SYNE2: variants seen among roughly 807,000 people sequenced by gnomAD.
SYNE2 encodes spectrin repeat containing nuclear envelope protein 2.
A neutral mutation model predicts 856.3 loss-of-function variants in SYNE2; 431 were observed. The ratio of observed to expected loss-of-function variants is 0.50; its 90% CI spans 0.47 to 0.55. The LOEUF is 0.55. SYNE2 is among the 20% of genes least tolerant of loss of function. SYNE2 has a pLI of 0.00. For synonymous variants in SYNE2, 2,923 were observed against 2,872.3 expected (o/e 1.02, Z -0.56); for missense variants, 8,129 against 8,023.2 (o/e 1.01, Z -0.50).
At chr14:63,860,627 C>G (rs1008341900) in intron 1 of SYNE2, among the ~76,000 whole-genome samples, 8 of 152,216 alleles carry the variant, frequency 5.3e-5, no homozygotes, top group African/African-American at 7.2e-5. Context: ...TGCTCTGGTT[C>G]CAGCTGACTT....
At position 63,840,286 on chromosome 14, in the gene SYNE2, CT is replaced by C. The variant is rs765719528; in HGVS notation, c.-304-12211del. ...ACCCTGTCTCAAAAAAAAAAGTAGG[CT>C]TTTGTCTTTTTCAAGTAACTGCTCC... On this transcript the variant is annotated intron_variant, in intron 1 of 23. Transcript: ENST00000674003. Among the ~76,000 whole-genome samples, 338 of 151,902 alleles carry C rather than the reference CT, an allele frequency of 2.2e-3. 1 individual carries two copies. The highest frequency in any genetic ancestry group is 0.01 in the Middle Eastern group (3 of 292).
At chr14:64,128,391 TATAAA>T in intron 73 of SYNE2, 56 bp from the exon 74 acceptor site, 1 of 900,218 alleles carries the variant, frequency 1.1e-6, no homozygotes, top group South Asian at 1.4e-5. Flanking sequence ...ACCAACTAAA[TATAAA>T]AAAAGATAAT....
rs990751849 is a variant in SYNE2, at chr14:64,218,180, C to G, written c.19543-218C>G. 7.7e-6 allele frequency: 4 copies of G among 517,324 alleles called. No individual in the cohort carries two copies. In the Admixed American group the frequency reaches 1.2e-4, roughly 15 times the overall value. 32.0% of individuals were successfully genotyped at this position (517,324 alleles called of 1,614,324 possible). A position where few individuals can be genotyped will look rare whatever the true frequency, so the allele number is the denominator to read the frequency against. On this transcript the variant is annotated intron_variant, in intron 108 of 115. Coordinates refer to ENST00000555002, the MANE Select transcript of SYNE2 (RefSeq NM_182914.3). Reference sequence around the variant, plus strand: ...CATCACTGACATCTCATCTGCTTCCCTCTCCCTGGGCCTTAGCTGAGGCTT... The same window carrying G: ...CATCACTGACATCTCATCTGCTTCCGTCTCCCTGGGCCTTAGCTGAGGCTT...
chr14:64,218,051 G>A (rs1233671803), intron 108 of SYNE2, among the ~76,000 whole-genome samples: 1 of 152,202 alleles, frequency 6.6e-6, no homozygotes, highest in Non-Finnish European at 1.5e-5. Flanking sequence ...AAGTGCTAAC[G>A]CAGTAACCGT....
intron 99 of SYNE2, among the ~76,000 whole-genome samples, chr14:64,197,331 T>C (rs1418834556): frequency 6.6e-6 from 1 of 152,202 alleles, no homozygotes; most frequent in Non-Finnish European, 1.5e-5. Context: ...GGAGTGATTA[T>C]GCCGTGTGGA....
At chr14:64,118,379 G>A (rs1595642423) in intron 66 of SYNE2, among the ~76,000 whole-genome samples, 1 of 152,188 alleles carries the variant, frequency 6.6e-6, no homozygotes, top group South Asian at 2.1e-4. Context: ...TTAGATTTGT[G>A]TGAATTGGCC....
chr14:63,917,625 C>CGCACCTGGCCTCAAGCTTT, intron 2 of SYNE2, among the ~76,000 whole-genome samples: 1 of 152,114 alleles, frequency 6.6e-6, no homozygotes, highest in African/African-American at 2.4e-5. Flanking sequence ...CATGAGCCAC[C>CGCACCTGGCCTCAAGCTTT]ATACCCAGCT....
rs559887029 is a variant in SYNE2, at chr14:64,098,933, A to T, written c.12381+112A>T. ...CTAAGAATTTTTAAAATTAATGTTG[A>T]TATTTTAAAAGTATGATTGAAGTAG... On this transcript the variant is annotated intron_variant, in intron 63 of 115. Coordinates refer to ENST00000555002, the MANE Select transcript of SYNE2 (RefSeq NM_182914.3). The T allele has an allele frequency of 1.0e-4, 106 of 1,061,092 alleles. 1 individual carries two copies. The South Asian group carries it at 1.4e-3, about 14-fold the overall frequency. 65.7% of individuals were successfully genotyped at this position (1,061,092 alleles called of 1,614,324 possible).
intron 45 of SYNE2, among the ~76,000 whole-genome samples, chr14:64,033,176 A>C (rs533849870): frequency 1.1e-3 from 161 of 152,296 alleles, no homozygotes; most frequent in African/African-American, 3.5e-3. Flanking sequence ...CTCTAAATAA[A>C]TAAGTGATAA....
At position 64,014,698 on chromosome 14, in the gene SYNE2, C is replaced by T. The variant is rs140450430; in HGVS notation, c.4729-1775C>T. 1.1e-3 allele frequency among the ~76,000 whole-genome samples: 168 copies of T among 152,172 alleles called. 3 individuals carry two copies. In the South Asian group the frequency reaches 0.015, roughly 14 times the overall value. On this transcript the variant is annotated intron_variant, in intron 32 of 115. Transcript: ENST00000555002. ...TCGGCCTCCCAAAGTGCTGGGATTACAGGCGTGAGCCACCATGCCAGGCCT... is the reference window on the plus strand; with the variant it reads ...TCGGCCTCCCAAAGTGCTGGGATTATAGGCGTGAGCCACCATGCCAGGCCT...
intron 32 of SYNE2, 70 bp from the exon 33 acceptor site, chr14:64,016,403 A>G: frequency 9.5e-7 from 1 of 1,052,834 alleles, no homozygotes; most frequent in South Asian, 1.5e-5. Context: ...ATATCCAACA[A>G]TAGAATTGTG....
intron 1 of SYNE2, among the ~76,000 whole-genome samples, chr14:63,887,875 C>G (rs557403636): frequency 6.6e-6 from 1 of 151,232 alleles, no homozygotes; most frequent in East Asian, 1.9e-4. Context: ...GCCTCAGCCT[C>G]CTGAGTAGCT....
At chr14:64,028,530 C>T (rs1302644524) in intron 43 of SYNE2, among the ~76,000 whole-genome samples, 1 of 152,104 alleles carries the variant, frequency 6.6e-6, no homozygotes, top group Non-Finnish European at 1.5e-5. Context: ...GCTTGGATGA[C>T]CTGCGCGAGC....
Position 64,119,493 on chromosome 14 carries a change from G to T in SYNE2, c.12907G>T (p.Gly4303Ter), listed in dbSNP as rs1378793198. The part of the protein sequence containing the change: ...LLETCKDQGL[G>*]DNGATQHEAE... ...AGAGACTTGCAAAGATCAGGGCCTG[G>T]GAGATAATGGAGCCACTCAACATGA... is the stretch of plus-strand genomic sequence containing the variant. Residue 4303 changes from glycine (G) to a stop codon, truncating the protein, a stop_gained, in exon 67 of 116, where the codon GGA becomes TGA. Coordinates refer to ENST00000555002, the MANE Select transcript of SYNE2 (RefSeq NM_182914.3). LOFTEE classifies it high-confidence loss of function. 6.2e-7 allele frequency: 1 copy of T among 1,614,220 alleles called. No homozygotes were observed.
At chr14:64,107,859 T>C (rs1462361544) in intron 65 of SYNE2, among the ~76,000 whole-genome samples, 1 of 152,246 alleles carries the variant, frequency 6.6e-6, no homozygotes, top group Admixed American at 6.5e-5. Context: ...TGAAATAGTC[T>C]TTCTGTTGAT....
intron 1 of SYNE2, among the ~76,000 whole-genome samples, chr14:63,805,860 T>A (rs1888343377): frequency 6.6e-6 from 1 of 152,214 alleles, no homozygotes; most frequent in Non-Finnish European, 1.5e-5. Context: ...AAGTTGTCGA[T>A]CAGATCTAGA....
At chr14:63,966,568 T>TTC (rs796320594) in intron 10 of SYNE2, among the ~76,000 whole-genome samples, 2 of 146,758 alleles carry the variant, frequency 1.4e-5, no homozygotes, top group African/African-American at 2.5e-5. Flanking sequence ...CTCTTTTTTT[T>TTC]CCCCCCCCGA....
chr14:64,100,667 A>AT (rs1218998040), intron 63 of SYNE2, among the ~76,000 whole-genome samples: 44 of 145,740 alleles, frequency 3.0e-4, no homozygotes, highest in Middle Eastern at 3.7e-3. Context: ...CTCACATACC[A>AT]TTTTTTTTTG....
At chr14:64,175,792 A>T in intron 95 of SYNE2, among the ~76,000 whole-genome samples, 1 of 152,194 alleles carries the variant, frequency 6.6e-6, no homozygotes, top group Non-Finnish European at 1.5e-5. Flanking sequence ...CCAAAACTAG[A>T]TAACCAAACT....
Sources: gnomAD v4.1 joint callset for allele counts (sites outside exome capture counted in the v4.1 genomes callset) on GRCh38, gnomAD v4.1.1 for gene constraint, MANE v1.5 for transcripts, NCBI Gene and HGNC (gene_info 2026-07-23, HGNC 2026-07-21) for gene names.